The following EYA2 variants were observed in gnomAD, a reference collection of about 807,000 sequenced individuals.
The protein encoded by EYA2 is EYA transcriptional coactivator and phosphatase 2, also known as protein phosphatase EYA2.
In EYA2, 31 loss-of-function variants were observed where a neutral mutation model predicts 69.2. The observed-to-expected ratio is 0.45, with a 90% confidence interval of 0.34 to 0.60. EYA2 has a LOEUF of 0.60. Ranked by LOEUF, EYA2 falls within the 20% of genes least tolerant of loss-of-function variation. The pLI, the probability that EYA2 is intolerant of heterozygous loss-of-function variation, is 0.02. For missense variants in EYA2, 622 were observed against 701.2 expected (o/e 0.89, Z 1.28); for synonymous variants, 257 against 279.4 (o/e 0.92, Z 0.80).
chr20:47,044,984 CA>C (rs1212515343), intron 5 of EYA2, among the ~76,000 whole-genome samples: 3 of 152,140 alleles, frequency 2.0e-5, no homozygotes, highest in African/African-American at 7.2e-5. Context: ...AGGAAGAGTA[CA>C]AGGGGCTTTG....
At chr20:47,019,540 A>T (rs957844264) in intron 5 of EYA2, among the ~76,000 whole-genome samples, 11 of 152,174 alleles carry the variant, frequency 7.2e-5, no homozygotes, top group African/African-American at 2.7e-4. Context: ...GCATTTCAGA[A>T]TGGAAGACAT....
At chr20:47,096,252 T>C (rs2032243627) in intron 8 of EYA2, among the ~76,000 whole-genome samples, 1 of 152,228 alleles carries the variant, frequency 6.6e-6, no homozygotes. Flanking sequence ...TCTTAGCATA[T>C]TACTTGGCTC....
At chr20:47,135,393 A>G (rs1271532356) in intron 9 of EYA2, among the ~76,000 whole-genome samples, 5 of 152,246 alleles carry the variant, frequency 3.3e-5, no homozygotes, top group Non-Finnish European at 2.9e-5. Flanking sequence ...GATCAGAGGT[A>G]GTCTGGCTTA....
chr20:47,139,419 C>T (rs1478738805), intron 9 of EYA2, among the ~76,000 whole-genome samples: 1 of 152,170 alleles, frequency 6.6e-6, no homozygotes, highest in East Asian at 1.9e-4. Context: ...AATGTAACCT[C>T]CAAATTATTT....
At chr20:47,052,772 G>A (rs767610051) in intron 5 of EYA2, among the ~76,000 whole-genome samples, 103 of 152,000 alleles carry the variant, frequency 6.8e-4, no homozygotes, top group East Asian at 1.2e-3. Flanking sequence ...CACCATACAC[G>A]TGTCACCATA....
intron 10 of EYA2, among the ~76,000 whole-genome samples, chr20:47,156,089 T>TACACACACACAC (rs748282079): frequency 0.019 from 579 of 30,746 alleles, 32 homozygotes; most frequent in Non-Finnish European, 0.024. Flanking sequence ...TATATATACA[T>TACACACACACAC]ACACACACAC....
chr20:47,188,148 T>C lies in EYA2; in HGVS notation c.*15T>C. On this transcript the variant is annotated 3_prime_UTR_variant, in exon 16 of 16. Coordinates refer to ENST00000327619, the MANE Select transcript of EYA2 (RefSeq NM_005244.5). ...AGTATTTATAGCAGGATCAGCAGCATCTCCACCTGCCATCTCACCCTCAGA... is the reference window on the plus strand; with the variant it reads ...AGTATTTATAGCAGGATCAGCAGCACCTCCACCTGCCATCTCACCCTCAGA... 3 of 1,561,732 alleles carry C rather than the reference T, an allele frequency of 1.9e-6. No homozygotes were observed. The highest frequency in any genetic ancestry group is 2.6e-6 in the Non-Finnish European group (3 of 1,153,426).
intron 1 of EYA2, among the ~76,000 whole-genome samples, chr20:46,983,184 A>G (rs1980952325): frequency 2.6e-5 from 4 of 152,180 alleles, no homozygotes; most frequent in South Asian, 2.1e-4. Context: ...GACAACTTCA[A>G]TAGCAGAATC....
At chr20:47,168,201 G>GTT (rs34733467) in intron 10 of EYA2, among the ~76,000 whole-genome samples, 16,305 of 150,782 alleles carry the variant, frequency 0.11, 975 homozygotes, top group Middle Eastern at 0.18. Flanking sequence ...TTGTTTTTTT[G>GTT]TTTTTTTTGA....
intron 1 of EYA2, chr20:46,901,689 G>T (rs1984119865): frequency 6.6e-6 from 1 of 152,260 alleles, no homozygotes; most frequent in Non-Finnish European, 1.5e-5. Flanking sequence ...CTTCTTGGTT[G>T]GGAAGGGAGC....
At chr20:46,954,152 G>A (rs1480860531) in intron 1 of EYA2, among the ~76,000 whole-genome samples, 2 of 152,102 alleles carry the variant, frequency 1.3e-5, no homozygotes, top group African/African-American at 4.8e-5. Context: ...TCAGGGGTCT[G>A]CTCAAATATC....
chr20:46,944,920 A>G (rs919176780), intron 1 of EYA2, among the ~76,000 whole-genome samples: 11 of 152,144 alleles, frequency 7.2e-5, no homozygotes, highest in African/African-American at 2.7e-4. Flanking sequence ...CCTGGGCAAC[A>G]TGGCAAAACC....
At chr20:47,157,805 A>G (rs2033985635) in intron 10 of EYA2, among the ~76,000 whole-genome samples, 1 of 152,044 alleles carries the variant, frequency 6.6e-6, no homozygotes, top group Non-Finnish European at 1.5e-5. Context: ...CCACCAAAAA[A>G]GGCACCAGGT....
At chr20:46,905,630 C>CCAGG (rs1476361479) in intron 1 of EYA2, among the ~76,000 whole-genome samples, 1 of 152,188 alleles carries the variant, frequency 6.6e-6, no homozygotes, top group Non-Finnish European at 1.5e-5. Context: ...TCAGACCAGG[C>CCAGG]CAGGCCCTTG....
chr20:46,978,909 T>C (rs556267816), intron 1 of EYA2, among the ~76,000 whole-genome samples: 1 of 152,288 alleles, frequency 6.6e-6, no homozygotes, highest in South Asian at 2.1e-4. Flanking sequence ...GAAGCCAAGA[T>C]GGTTTGTGAT....
chr20:47,124,553 C>T (rs1472527641), intron 9 of EYA2, among the ~76,000 whole-genome samples: 1 of 152,192 alleles, frequency 6.6e-6, no homozygotes, highest in Non-Finnish European at 1.5e-5. Context: ...GCATCAAACC[C>T]TGTTCTGAGT....
chr20:46,920,202 A>G (rs1254042110), intron 1 of EYA2, among the ~76,000 whole-genome samples: 1 of 149,600 alleles, frequency 6.7e-6, no homozygotes, highest in East Asian at 2.0e-4. Flanking sequence ...AAACTTGCTC[A>G]ATGTAGGATT....
At position 47,179,096 on chromosome 20, in the gene EYA2, C is replaced by T. The variant is rs559105698; in HGVS notation, c.1199-702C>T. ...TGTTATTATTAATTCCCTGTCTCCACCATAACAATATAAGCTCTATAATCT... is the reference window on the plus strand; with the variant it reads ...TGTTATTATTAATTCCCTGTCTCCATCATAACAATATAAGCTCTATAATCT... On this transcript the variant is annotated intron_variant, in intron 12 of 15. Coordinates refer to ENST00000327619, the MANE Select transcript of EYA2 (RefSeq NM_005244.5). Among the ~76,000 whole-genome samples the T allele has an allele frequency of 5.3e-5, 8 of 151,870 alleles. 1 individual carries two copies. Among genetic ancestry groups the T allele is most frequent in the African/African-American group, 1.2e-4 (5 of 41,366 alleles).
At chr20:47,172,251 T>G (rs904907629) in intron 11 of EYA2, among the ~76,000 whole-genome samples, 1 of 151,940 alleles carries the variant, frequency 6.6e-6, no homozygotes, top group African/African-American at 2.4e-5. Flanking sequence ...CCAGGCAACA[T>G]AGAGAGACTC....
Sources: allele counts gnomAD v4.1 joint callset (sites outside exome capture counted in the v4.1 genomes callset), GRCh38; gene constraint gnomAD v4.1.1; transcripts MANE v1.5; gene names NCBI Gene and HGNC (gene_info 2026-07-23, HGNC 2026-07-21).